GABRB2: variants seen among roughly 807,000 people sequenced by gnomAD.
GABRB2 encodes gamma-aminobutyric acid receptor subunit beta-2.
GABRB2 carries 16 observed loss-of-function variants against 54.7 expected under a neutral mutation model. The ratio of observed to expected loss-of-function variants is 0.29; its 90% CI spans 0.20 to 0.44. The LOEUF is 0.44. Among genes scored for constraint, GABRB2 ranks in the 20% least tolerant of loss-of-function variants. GABRB2 has a pLI of 1.00. For missense variants in GABRB2, 355 were observed against 644.0 expected, an observed-to-expected ratio of 0.55 and a Z score of 4.86; for synonymous variants, 244 against 233.8, an observed-to-expected ratio of 1.04 and a Z score of -0.40.
chr5:161,344,216 G>A (rs1235653740), intron 5 of GABRB2, among the ~76,000 whole-genome samples: 1 of 152,036 alleles, frequency 6.6e-6, no homozygotes, highest in Non-Finnish European at 1.5e-5. Flanking sequence ...TCCTTTACAA[G>A]GAATAGGAGG....
intron 6 of GABRB2, 97 bp downstream of exon 6, chr5:161,336,535 A>G: frequency 7.3e-7 from 1 of 1,368,132 alleles, no homozygotes; most frequent in Non-Finnish European, 1.0e-6. Context: ...TTGTAAAGTC[A>G]TGGTGCTTCC....
intron 4 of GABRB2, among the ~76,000 whole-genome samples, chr5:161,450,764 T>A (rs1329044323): frequency 6.6e-6 from 1 of 152,200 alleles, no homozygotes; most frequent in Non-Finnish European, 1.5e-5. Context: ...ATATATTTAC[T>A]TTTAATCTTA....
intron 5 of GABRB2, among the ~76,000 whole-genome samples, chr5:161,405,554 T>C (rs1193487664): frequency 6.6e-6 from 1 of 151,984 alleles, no homozygotes; most frequent in Non-Finnish European, 1.5e-5. Context: ...ATTCAAACAA[T>C]ACCCTCTTAA....
At chr5:161,298,687 G>A (rs1186295452) in intron 9 of GABRB2, among the ~76,000 whole-genome samples, 8 of 152,204 alleles carry the variant, frequency 5.3e-5, no homozygotes, top group Non-Finnish European at 1.0e-4. Flanking sequence ...AGAGCAGCAT[G>A]CTCAAGTACC....
intron 3 of GABRB2, among the ~76,000 whole-genome samples, chr5:161,518,272 T>G (rs1760012094): frequency 6.6e-6 from 1 of 152,204 alleles, no homozygotes; most frequent in Non-Finnish European, 1.5e-5. Flanking sequence ...AGCAGTCATT[T>G]TTCAGAAACC....
chr5:161,300,595 G>C (rs1449425064), intron 9 of GABRB2, among the ~76,000 whole-genome samples: 3 of 152,184 alleles, frequency 2.0e-5, no homozygotes, highest in Non-Finnish European at 4.4e-5. Flanking sequence ...TCAGGTAGTG[G>C]TTTGGTGAGG....
At chr5:161,534,886 A>C (rs2113462846) in intron 3 of GABRB2, among the ~76,000 whole-genome samples, 1 of 152,262 alleles carries the variant, frequency 6.6e-6, no homozygotes, top group South Asian at 2.1e-4. Flanking sequence ...ATTCATTCTC[A>C]TTATTGAAAA....
At chr5:161,408,764 G>A (rs1017793162) in intron 5 of GABRB2, among the ~76,000 whole-genome samples, 4 of 151,952 alleles carry the variant, frequency 2.6e-5, no homozygotes, top group African/African-American at 9.7e-5. Flanking sequence ...AGGATAAAGA[G>A]AGAGATGAGG....
chr5:161,400,523 T>A (rs1034316147), intron 5 of GABRB2, among the ~76,000 whole-genome samples: 2 of 152,212 alleles, frequency 1.3e-5, no homozygotes, highest in South Asian at 2.1e-4. Flanking sequence ...ATGGGCAATT[T>A]GAAGGCAGGG....
intron 3 of GABRB2, among the ~76,000 whole-genome samples, chr5:161,527,943 C>T (rs1760334588): frequency 6.6e-6 from 1 of 151,488 alleles, no homozygotes; most frequent in Non-Finnish European, 1.5e-5. Context: ...TCCAGTAATC[C>T]AACTCCTAAG....
At chr5:161,340,465 A>C (rs1424295601) in intron 5 of GABRB2, among the ~76,000 whole-genome samples, 1 of 152,072 alleles carries the variant, frequency 6.6e-6, no homozygotes, top group Non-Finnish European at 1.5e-5. Flanking sequence ...GCTGGCACAC[A>C]GTTGGCACTA....
intron 5 of GABRB2, among the ~76,000 whole-genome samples, chr5:161,370,355 C>G (rs1347483312): frequency 6.6e-6 from 1 of 152,148 alleles, no homozygotes; most frequent in Non-Finnish European, 1.5e-5. Flanking sequence ...CTGAATTTAA[C>G]TCCAGTTTTG....
intron 5 of GABRB2, among the ~76,000 whole-genome samples, chr5:161,369,282 G>C (rs961321671): frequency 1.3e-5 from 2 of 152,092 alleles, no homozygotes; most frequent in African/African-American, 2.4e-5. Flanking sequence ...CCATTGAATT[G>C]TTCTCAATCA....
intron 4 of GABRB2, among the ~76,000 whole-genome samples, chr5:161,451,349 C>G (rs1757782512): frequency 6.6e-6 from 1 of 152,108 alleles, no homozygotes; most frequent in South Asian, 2.1e-4. Flanking sequence ...AGGTGTCCCC[C>G]CTTATGCAGA....
At chr5:161,445,866 C>T (rs181457940) in intron 4 of GABRB2, among the ~76,000 whole-genome samples, 25 of 152,234 alleles carry the variant, frequency 1.6e-4, no homozygotes, top group Admixed American at 1.5e-3. Context: ...TCTTGACCAC[C>T]TTGGGCACAT....
intron 3 of GABRB2, among the ~76,000 whole-genome samples, chr5:161,462,492 T>G (rs1758142223): frequency 6.6e-6 from 1 of 152,198 alleles, no homozygotes. Flanking sequence ...TTGACTATTA[T>G]CTCTACAAGA....
intron 9 of GABRB2, among the ~76,000 whole-genome samples, chr5:161,303,678 G>A (rs1022619314): frequency 8.5e-5 from 13 of 152,134 alleles, no homozygotes; most frequent in African/African-American, 2.9e-4. Context: ...GTGGTGAGAA[G>A]ACCTTCGAAA....
At chr5:161,325,141 T>A (rs550487194) in intron 9 of GABRB2, among the ~76,000 whole-genome samples, 1 of 152,228 alleles carries the variant, frequency 6.6e-6, no homozygotes, top group South Asian at 2.1e-4. Flanking sequence ...ACATGTTTTC[T>A]TCTACATAAT....
chr5:161,334,640 A>C, intron 7 of GABRB2, 112 bp downstream of exon 7: 1 of 1,011,386 alleles, frequency 9.9e-7, no homozygotes, highest in Non-Finnish European at 1.5e-6. Flanking sequence ...ACAGTGTGAG[A>C]GGTTCAGTTG....
Sources: allele counts gnomAD v4.1 joint callset (sites outside exome capture counted in the v4.1 genomes callset), GRCh38; gene constraint gnomAD v4.1.1; transcripts MANE v1.5; gene names NCBI Gene and HGNC (gene_info 2026-07-23, HGNC 2026-07-21).